PDE4D: variants seen among roughly 807,000 people sequenced by gnomAD.
PDE4D encodes phosphodiesterase 4D, also known as 3',5'-cyclic-AMP phosphodiesterase 4D.
In PDE4D, 24 loss-of-function variants were observed where a neutral mutation model predicts 87.4. The observed-to-expected ratio is 0.27, with a 90% confidence interval of 0.20 to 0.39. The LOEUF (loss-of-function observed/expected upper bound fraction) is 0.39. PDE4D is among the 10% of genes least tolerant of loss of function. The pLI, the probability that PDE4D is intolerant of heterozygous loss-of-function variation, is 1.00. For missense variants in PDE4D, 714 were observed against 1,041.0 expected (o/e 0.69, Z 4.32); for synonymous variants, 384 against 383.2 (o/e 1.00, Z -0.02).
chr5:59,628,923 A>G (rs1561358981), intron 1 of PDE4D, among the ~76,000 whole-genome samples: 1 of 152,210 alleles, frequency 6.6e-6, no homozygotes. Flanking sequence ...ACTTACAACC[A>G]TGGTGGAAGG....
rs532796390 is a variant in PDE4D, at chr5:59,285,513, T to G, written c.456-69545A>C. On this transcript the variant is annotated intron_variant, in intron 1 of 14. Transcript: ENST00000340635. ...AGGAGTTCCTACAATAGTGTTATAA[T>G]TAAAAAAAAAATTCTCCCAAAGAAA... Among the ~76,000 whole-genome samples, 19 of 148,176 alleles carry G rather than the reference T, an allele frequency of 1.3e-4. No homozygotes were observed. The East Asian group carries it at 3.7e-3, about 29-fold the overall frequency.
At chr5:59,111,465 G>A (rs757843143) in intron 5 of PDE4D, among the ~76,000 whole-genome samples, 1 of 152,098 alleles carries the variant, frequency 6.6e-6, no homozygotes, top group Non-Finnish European at 1.5e-5. Flanking sequence ...GGCTCTTGAG[G>A]TTATGATTGT....
intron 2 of PDE4D, among the ~76,000 whole-genome samples, chr5:60,079,635 C>A (rs951098448): frequency 6.6e-6 from 1 of 152,192 alleles, no homozygotes; most frequent in Non-Finnish European, 1.5e-5. Context: ...AATAAGAGAT[C>A]TTTTCTCCAC....
chr5:59,244,995 CAT>C (rs1758562339), intron 1 of PDE4D, among the ~76,000 whole-genome samples: 1 of 151,742 alleles, frequency 6.6e-6, no homozygotes, highest in Non-Finnish European at 1.5e-5. Flanking sequence ...CCACAATGAA[CAT>C]GTGTTTATTT....
intron 1 of PDE4D, among the ~76,000 whole-genome samples, chr5:60,328,197 A>C (rs1318560764): frequency 6.6e-6 from 1 of 152,202 alleles, no homozygotes; most frequent in Non-Finnish European, 1.5e-5. Flanking sequence ...ACAATGACTA[A>C]AGGGACACAA....
chr5:59,838,354 C>T (rs978298883), intron 1 of PDE4D, among the ~76,000 whole-genome samples: 32 of 152,214 alleles, frequency 2.1e-4, no homozygotes, highest in African/African-American at 7.2e-4. Flanking sequence ...GGTTAAGAGA[C>T]CTGCCAAATT....
chr5:58,977,191 G>A lies in PDE4D; in HGVS notation c.1707C>T (p.Ile569=), dbSNP rs371404288. ...TCTTTGGCTTTTATCAGCTACTTAC[G>A]ATGTCAATGACCATTTTCCTTAAAG... ...RQSLRKMVID[I]VLATDMSKHM... Residue 569 remains isoleucine (I), a splice_region_variant and synonymous_variant, in exon 12 of 15, where the codon ATC becomes ATT. Transcript: ENST00000340635. 122 of 1,605,324 alleles carry A rather than the reference G, an allele frequency of 7.6e-5. 1 individual carries two copies. The highest frequency in any genetic ancestry group is 9.6e-5 in the Non-Finnish European group (113 of 1,177,518).
At chr5:59,125,824 G>A (rs1292363513) in intron 5 of PDE4D, among the ~76,000 whole-genome samples, 2 of 152,088 alleles carry the variant, frequency 1.3e-5, no homozygotes, top group Admixed American at 6.5e-5. Context: ...CAGAAATAGT[G>A]AAGGGAATTG....
chr5:60,131,180 C>A (rs1779535576), intron 2 of PDE4D, among the ~76,000 whole-genome samples: 1 of 152,040 alleles, frequency 6.6e-6, no homozygotes. Flanking sequence ...TTAATGTTTT[C>A]ATTAAATAAA....
At chr5:60,037,995 C>A (rs1044426131) in intron 2 of PDE4D, among the ~76,000 whole-genome samples, 1 of 152,030 alleles carries the variant, frequency 6.6e-6, no homozygotes, top group Non-Finnish European at 1.5e-5. Flanking sequence ...TTAGGTGGCT[C>A]CATGGTCTTT....
intron 1 of PDE4D, among the ~76,000 whole-genome samples, chr5:59,406,979 T>C (rs1791783631): frequency 6.6e-6 from 1 of 152,220 alleles, no homozygotes; most frequent in Non-Finnish European, 1.5e-5. Flanking sequence ...TATCTATTCA[T>C]ATTCAACAGG....
intron 1 of PDE4D, among the ~76,000 whole-genome samples, chr5:60,291,820 A>G (rs1752924339): frequency 6.6e-6 from 1 of 152,202 alleles, no homozygotes; most frequent in Non-Finnish European, 1.5e-5. Flanking sequence ...ACTTCCGGGA[A>G]TCTATTCTAA....
At chr5:60,292,628 G>C (rs533885161) in intron 1 of PDE4D, among the ~76,000 whole-genome samples, 10 of 152,152 alleles carry the variant, frequency 6.6e-5, no homozygotes, top group South Asian at 4.2e-4. Flanking sequence ...AGTTATGAAG[G>C]CTATTTCTTC....
intron 2 of PDE4D, among the ~76,000 whole-genome samples, chr5:60,117,557 T>A (rs532593785): frequency 7.2e-5 from 11 of 152,174 alleles, no homozygotes; most frequent in Admixed American, 3.3e-4. Context: ...TTAACTACAA[T>A]AAAATATGAA....
chr5:59,724,382 T>C (rs1756286867), intron 1 of PDE4D, among the ~76,000 whole-genome samples: 1 of 151,950 alleles, frequency 6.6e-6, no homozygotes, highest in Non-Finnish European at 1.5e-5. Context: ...TTATTTTAGG[T>C]TTAGAGGGAA....
chr5:59,417,553 T>C (rs1269795133), intron 1 of PDE4D, among the ~76,000 whole-genome samples: 2 of 151,798 alleles, frequency 1.3e-5, no homozygotes, highest in East Asian at 1.9e-4. Context: ...TTTTTTTTAA[T>C]AAACAAACAA....
intron 1 of PDE4D, among the ~76,000 whole-genome samples, chr5:60,407,155 C>T (rs772671083): frequency 3.3e-5 from 5 of 152,124 alleles, no homozygotes; most frequent in Non-Finnish European, 5.9e-5. Context: ...ACAAGAGGGT[C>T]GTTGAGTACC....
intron 1 of PDE4D, among the ~76,000 whole-genome samples, chr5:60,423,241 A>G (rs147172448): frequency 6.6e-6 from 1 of 152,208 alleles, no homozygotes; most frequent in Non-Finnish European, 1.5e-5. Context: ...CAGAATATAC[A>G]TTCTTCTCAG....
At chr5:59,083,624 A>G (rs1003454489) in intron 5 of PDE4D, among the ~76,000 whole-genome samples, 2 of 152,168 alleles carry the variant, frequency 1.3e-5, no homozygotes, top group African/African-American at 4.8e-5. Flanking sequence ...TATGGAAATC[A>G]GATCATACTT....
Sources: allele counts gnomAD v4.1 joint callset (sites outside exome capture counted in the v4.1 genomes callset), GRCh38; gene constraint gnomAD v4.1.1; transcripts MANE v1.5; gene names NCBI Gene and HGNC (gene_info 2026-07-23, HGNC 2026-07-21).